Variants in TDRD10 observed in about 807,000 individuals in gnomAD.
TDRD10 encodes the protein tudor domain containing 10, also known as tudor domain-containing protein 10.
TDRD10 carries 40 observed loss-of-function variants against 48.0 expected under a neutral mutation model. That is an observed-to-expected ratio of 0.83 (90% CI 0.65 to 1.09). The LOEUF (loss-of-function observed/expected upper bound fraction) is 1.09. TDRD10 is among the 50% of genes least tolerant of loss of function. The pLI is 0.00. For synonymous variants in TDRD10, 162 were observed against 170.4 expected (o/e 0.95, Z 0.38); for missense variants, 378 against 434.7 (o/e 0.87, Z 1.16).
At chr1:154,532,012 A>G (rs1694655234) in intron 6 of TDRD10, among the ~76,000 whole-genome samples, 1 of 152,216 alleles carries the variant, frequency 6.6e-6, no homozygotes, top group African/African-American at 2.4e-5. Flanking sequence ...AGACTCAGGA[A>G]CCCAGCTGGC....
chr1:154,521,399 A>G lies in TDRD10; in HGVS notation c.289A>G (p.Lys97Glu), dbSNP rs1694047875. Reference protein sequence around the residue: ...IQELNGKLFHKRKLFVNTSKR... With the variant: ...IQELNGKLFHERKLFVNTSKR... ...GGAGCTGAATGGTAAACTCTTCCACAAGCGAAAACTGTTCGTGAATACAAG... is the reference window on the plus strand; with the variant it reads ...GGAGCTGAATGGTAAACTCTTCCACGAGCGAAAACTGTTCGTGAATACAAG... The change falls in exon 6 of 13, where the codon AAG becomes GAG. Residue 97 changes from lysine to glutamate, a missense_variant. Coordinates refer to ENST00000368482, the MANE Select transcript of TDRD10 (RefSeq NM_182499.4). 1.2e-6 allele frequency: 2 copies of G among 1,614,060 alleles called. No homozygotes were observed. The highest frequency in any genetic ancestry group is 3.3e-5 in the Admixed American group (2 of 60,004).
Position 154,547,785 on chromosome 1 carries a change from C to T in TDRD10, c.*75C>T, listed in dbSNP as rs552456755. ...GCCACCTGCCCTGTCTTCTCGTACC[C>T]CTTTCACTCTTGAGGCCTGGGAGGT... is the stretch of plus-strand genomic sequence containing the variant. On this transcript the variant is annotated 3_prime_UTR_variant, in exon 13 of 13. Transcript: ENST00000368482. 30 of 1,578,324 alleles carry T rather than the reference C, an allele frequency of 1.9e-5. No homozygotes were observed. The East Asian group carries it at 6.0e-4, about 32-fold the overall frequency.
intron 6 of TDRD10, among the ~76,000 whole-genome samples, chr1:154,533,063 C>T (rs775145071): frequency 6.6e-6 from 1 of 152,162 alleles, no homozygotes; most frequent in Non-Finnish European, 1.5e-5. Context: ...GACACCCAGG[C>T]AGGGTGGTGG....
intron 6 of TDRD10, chr1:154,534,437 C>T (rs1014823279): frequency 2.0e-5 from 3 of 152,232 alleles, no homozygotes; most frequent in Non-Finnish European, 4.4e-5. Context: ...TTGCTTACCA[C>T]GAGGTGGCAG....
intron 11 of TDRD10, 87 bp from the exon 12 acceptor site, chr1:154,547,322 T>A: frequency 6.9e-7 from 1 of 1,440,288 alleles, no homozygotes; most frequent in Non-Finnish European, 9.6e-7. Flanking sequence ...GCACTTTCCC[T>A]GCAGCCCCCG....
At chr1:154,546,985 T>A (rs1030510583) in intron 11 of TDRD10, among the ~76,000 whole-genome samples, 29 of 151,520 alleles carry the variant, frequency 1.9e-4, no homozygotes, top group Non-Finnish European at 3.5e-4. Flanking sequence ...GAAAGGTGGG[T>A]TTTTGATGAG....
intron 4 of TDRD10, among the ~76,000 whole-genome samples, chr1:154,514,841 C>T (rs1285982689): frequency 8.0e-6 from 1 of 125,620 alleles, no homozygotes; most frequent in African/African-American, 2.8e-5. Context: ...GAACACATCA[C>T]CATACCCAGC....
At chr1:154,527,256 C>T (rs1436774711) in intron 6 of TDRD10, among the ~76,000 whole-genome samples, 1 of 152,218 alleles carries the variant, frequency 6.6e-6, no homozygotes, top group East Asian at 1.9e-4. Context: ...GCAGAAACCA[C>T]AGATACGGAA....
chr1:154,546,764 C>T (rs1695613948), intron 11 of TDRD10, among the ~76,000 whole-genome samples: 1 of 152,202 alleles, frequency 6.6e-6, no homozygotes, highest in Non-Finnish European at 1.5e-5. Flanking sequence ...AGAGATAAGT[C>T]AGACAAGCGT....
At chr1:154,541,265 G>A (rs1402008861) in intron 6 of TDRD10, among the ~76,000 whole-genome samples, 1 of 147,614 alleles carries the variant, frequency 6.8e-6, no homozygotes, top group Non-Finnish European at 1.5e-5. Context: ...GCAGGGGAGG[G>A]ATGGCGGGGA....
intron 6 of TDRD10, among the ~76,000 whole-genome samples, chr1:154,536,798 GA>G (rs1368313790): frequency 2.0e-5 from 3 of 152,182 alleles, no homozygotes; most frequent in African/African-American, 7.2e-5. Context: ...TCATTCAGTG[GA>G]ATGTTATTGA....
At chr1:154,511,031 G>T (rs1300252265) in intron 4 of TDRD10, among the ~76,000 whole-genome samples, 1 of 151,534 alleles carries the variant, frequency 6.6e-6, no homozygotes. Flanking sequence ...GGGAGATAGA[G>T]CGAGACCCTG....
chr1:154,515,284 C>T (rs1264121035), intron 4 of TDRD10, among the ~76,000 whole-genome samples: 1 of 152,098 alleles, frequency 6.6e-6, no homozygotes, highest in Non-Finnish European at 1.5e-5. Context: ...AGGTATGAGC[C>T]ACCGCACCCA....
intron 6 of TDRD10, among the ~76,000 whole-genome samples, chr1:154,541,747 G>T (rs1695244540): frequency 6.6e-6 from 1 of 152,158 alleles, no homozygotes; most frequent in South Asian, 2.1e-4. Flanking sequence ...AAGGCTGCTG[G>T]GCAGCTCATT....
At chr1:154,531,822 G>C (rs531010643) in intron 6 of TDRD10, among the ~76,000 whole-genome samples, 180 of 152,230 alleles carry the variant, frequency 1.2e-3, no homozygotes, top group African/African-American at 4.2e-3. Flanking sequence ...GTTTTGACAG[G>C]GTGCTGATTG....
At chr1:154,520,856 GC>G in intron 5 of TDRD10, among the ~76,000 whole-genome samples, 1 of 152,202 alleles carries the variant, frequency 6.6e-6, no homozygotes, top group East Asian at 1.9e-4. Flanking sequence ...TCCCACCTCA[GC>G]CTCCGAAGTA....
At chr1:154,525,411 A>G (rs951244906) in intron 6 of TDRD10, among the ~76,000 whole-genome samples, 12 of 152,150 alleles carry the variant, frequency 7.9e-5, no homozygotes, top group African/African-American at 2.9e-4. Context: ...AAGAATTTAT[A>G]AAGAAACTTA....
In TDRD10 at chr1:154,548,018, A is replaced by G; in HGVS notation, c.*308A>G. 2.1e-6 allele frequency: 1 copy of G among 482,874 alleles called. No homozygotes were observed. The highest frequency in any genetic ancestry group is 3.7e-6 in the Non-Finnish European group (1 of 270,446). 29.9% of individuals were successfully genotyped at this position (482,874 alleles called of 1,614,324 possible). A position where few individuals can be genotyped will look rare whatever the true frequency, so the allele number is the denominator to read the frequency against. On this transcript the variant is annotated 3_prime_UTR_variant, in exon 13 of 13. Transcript: ENST00000368482. ...CTTGTGTCTCTTCTTTGCACCCCAG[A>G]GCATGATATAAGTGGTCCTAACAGA...
intron 11 of TDRD10, 80 bp from the exon 12 acceptor site, chr1:154,547,329 C>T: frequency 3.3e-6 from 5 of 1,518,192 alleles, no homozygotes; most frequent in Non-Finnish European, 4.5e-6. Flanking sequence ...CCCTGCAGCC[C>T]CCGCCTTTTG....
Sources: allele counts gnomAD v4.1 joint callset (sites outside exome capture counted in the v4.1 genomes callset), GRCh38; gene constraint gnomAD v4.1.1; transcripts MANE v1.5; gene names NCBI Gene and HGNC (gene_info 2026-07-23, HGNC 2026-07-21).